Variants in FAM135B observed in about 807,000 individuals in gnomAD.
The protein encoded by FAM135B is protein FAM135B.
FAM135B carries 43 observed loss-of-function variants against 127.7 expected under a neutral mutation model. The observed-to-expected ratio is 0.34, with a 90% CI of 0.26 to 0.43. The LOEUF is 0.43. Among genes scored for constraint, FAM135B ranks in the 20% least tolerant of loss-of-function variants. The pLI is 1.00. For synonymous variants in FAM135B, 670 were observed against 665.1 expected, an observed-to-expected ratio of 1.01 and a Z score of -0.11; for missense variants, 1,558 against 1,725.6, an observed-to-expected ratio of 0.90 and a Z score of 1.72.
intron 7 of FAM135B, among the ~76,000 whole-genome samples, chr8:138,236,446 G>T (rs1186947736): frequency 6.6e-6 from 1 of 151,254 alleles, no homozygotes; most frequent in East Asian, 1.9e-4. Context: ...ATACACACTA[G>T]AATATTATCA....
chr8:138,404,166 A>C (rs1833317579), intron 1 of FAM135B, among the ~76,000 whole-genome samples: 1 of 152,086 alleles, frequency 6.6e-6, no homozygotes, highest in Admixed American at 6.5e-5. Flanking sequence ...TAAAATAAAT[A>C]AATAATAAAA....
At chr8:138,296,514 G>T (rs753951389) in intron 3 of FAM135B, among the ~76,000 whole-genome samples, 2 of 152,184 alleles carry the variant, frequency 1.3e-5, no homozygotes, top group Non-Finnish European at 2.9e-5. Context: ...ATAATTTTAT[G>T]AAAATAATTT....
intron 1 of FAM135B, among the ~76,000 whole-genome samples, chr8:138,447,072 C>T (rs1262232126): frequency 6.6e-6 from 1 of 150,656 alleles, no homozygotes; most frequent in Non-Finnish European, 1.5e-5. Flanking sequence ...CATCACTGGC[C>T]ATCAGAGAAA....
chr8:138,132,830 G>A lies in FAM135B; in HGVS notation c.4016-32C>T, dbSNP rs766610238. 3.8e-5 allele frequency: 60 copies of A among 1,597,706 alleles called. No individual in the cohort carries two copies. Among genetic ancestry groups the A allele is most frequent in the Non-Finnish European group, 5.1e-5 (60 of 1,165,704 alleles). On this transcript the variant is annotated intron_variant, in intron 19 of 19. Coordinates refer to ENST00000395297, the MANE Select transcript of FAM135B (RefSeq NM_015912.4). The surrounding 1 kb of genome is among the most constrained non-coding windows in gnomAD (Gnocchi z 4.5). ...AGTGGGGAAGAAGGACATGAAGCTGGTGCAGAAATTAGCAGTGGAATCTAG... is the reference window on the plus strand; with the variant it reads ...AGTGGGGAAGAAGGACATGAAGCTGATGCAGAAATTAGCAGTGGAATCTAG...
chr8:138,133,951 G>A (rs1816414835), intron 19 of FAM135B, among the ~76,000 whole-genome samples: 1 of 152,130 alleles, frequency 6.6e-6, no homozygotes, highest in African/African-American at 2.4e-5. Context: ...GAAATAATTA[G>A]GGATTTCGTT....
chr8:138,465,995 C>A lies in FAM135B; in HGVS notation c.-20+30676G>T, dbSNP rs762678256. 3.9e-5 allele frequency among the ~76,000 whole-genome samples: 6 copies of A among 152,152 alleles called. No individual in the cohort carries two copies. In the South Asian group the frequency reaches 1.2e-3, roughly 32 times the overall value. The stretch of plus-strand genomic sequence containing the variant: ...TTCACTGTGTTGGCCAGGCTGGTCT[C>A]GAACTCCTGAACTCAGGTGATCTGC... On this transcript the variant is annotated intron_variant, in intron 1 of 19. Transcript: ENST00000395297.
At chr8:138,405,901 C>T (rs1833454470) in intron 1 of FAM135B, among the ~76,000 whole-genome samples, 1 of 151,912 alleles carries the variant, frequency 6.6e-6, no homozygotes, top group South Asian at 2.1e-4. Flanking sequence ...TTAATGTTTG[C>T]CATTCTAACT....
At chr8:138,199,450 C>A (rs1460597179) in intron 7 of FAM135B, among the ~76,000 whole-genome samples, 1 of 152,160 alleles carries the variant, frequency 6.6e-6, no homozygotes, top group African/African-American at 2.4e-5. Flanking sequence ...CATTGTCCTG[C>A]AGGTACAACG....
At chr8:138,277,009 C>T (rs772833041) in intron 3 of FAM135B, among the ~76,000 whole-genome samples, 5 of 152,230 alleles carry the variant, frequency 3.3e-5, no homozygotes, top group Non-Finnish European at 7.3e-5. Flanking sequence ...ATCAGATGCA[C>T]TGGCTGAATA....
intron 1 of FAM135B, among the ~76,000 whole-genome samples, chr8:138,482,713 G>A (rs1020763145): frequency 6.6e-6 from 1 of 152,062 alleles, no homozygotes; most frequent in Admixed American, 6.5e-5. Flanking sequence ...TTTGATGAAA[G>A]GATTTATGCT....
chr8:138,193,487 A>C (rs1472227543), intron 9 of FAM135B, among the ~76,000 whole-genome samples: 1 of 152,208 alleles, frequency 6.6e-6, no homozygotes, highest in Non-Finnish European at 1.5e-5. Flanking sequence ...TCAGCTCTTC[A>C]GCCTGATCTC....
chr8:138,361,444 T>A (rs1006054577), intron 2 of FAM135B, among the ~76,000 whole-genome samples: 15 of 152,174 alleles, frequency 9.9e-5, no homozygotes, highest in African/African-American at 3.6e-4. Flanking sequence ...ACAATTTTTC[T>A]CCCAGTACGC....
chr8:138,464,320 C>T lies in FAM135B; in HGVS notation c.-20+32351G>A, dbSNP rs554925548. 1.8e-4 allele frequency among the ~76,000 whole-genome samples: 27 copies of T among 152,228 alleles called. No homozygotes were observed. The South Asian group carries it at 5.2e-3, about 29-fold the overall frequency. ...AATGGACATCTCTTTGGTCTGTATG[C>T]TTTGTTCCTAGGGTGGGGCTTACCA... On this transcript the variant is annotated intron_variant, in intron 1 of 19. Coordinates refer to ENST00000395297, the MANE Select transcript of FAM135B (RefSeq NM_015912.4).
intron 3 of FAM135B, among the ~76,000 whole-genome samples, chr8:138,285,111 G>GA (rs1175988025): frequency 1.4e-5 from 2 of 146,660 alleles, no homozygotes; most frequent in Admixed American, 1.4e-4. Flanking sequence ...AATCAAACTG[G>GA]AAAACATATA....
At chr8:138,405,024 C>T (rs1261280560) in intron 1 of FAM135B, among the ~76,000 whole-genome samples, 1 of 152,100 alleles carries the variant, frequency 6.6e-6, no homozygotes, top group Non-Finnish European at 1.5e-5. Context: ...AGAGGAATCA[C>T]TACCTATTGC....
chr8:138,337,042 T>G (rs1828650908), intron 2 of FAM135B, among the ~76,000 whole-genome samples: 1 of 151,268 alleles, frequency 6.6e-6, no homozygotes, highest in Non-Finnish European at 1.5e-5. Context: ...AAAAGGCCTT[T>G]GACAAAATTC....
intron 1 of FAM135B, among the ~76,000 whole-genome samples, chr8:138,427,749 T>G (rs1165076237): frequency 1.3e-5 from 2 of 152,176 alleles, no homozygotes; most frequent in Non-Finnish European, 2.9e-5. Flanking sequence ...TACAATATAT[T>G]GTATATTGCT....
chr8:138,382,384 G>A (rs1487960117), intron 1 of FAM135B, among the ~76,000 whole-genome samples: 1 of 152,158 alleles, frequency 6.6e-6, no homozygotes, highest in Non-Finnish European at 1.5e-5. Context: ...AGCACCTCCA[G>A]GGGTGTGAAC....
intron 7 of FAM135B, among the ~76,000 whole-genome samples, chr8:138,198,100 G>A (rs1816808816): frequency 1.3e-5 from 2 of 152,188 alleles, no homozygotes; most frequent in African/African-American, 2.4e-5. Flanking sequence ...GTCATGGGAG[G>A]GACCCAGTGG....
Sources: allele counts gnomAD v4.1 joint callset (sites outside exome capture counted in the v4.1 genomes callset), GRCh38; gene constraint gnomAD v4.1.1; non-coding constraint Gnocchi (gnomAD v3.1); transcripts MANE v1.5; gene names NCBI Gene and HGNC (gene_info 2026-07-23, HGNC 2026-07-21).